The following ARHGEF3 variants were observed in gnomAD, a reference collection of about 807,000 sequenced individuals.
The protein encoded by ARHGEF3 is 59.8 kDA protein.
A neutral mutation model predicts 63.2 loss-of-function variants in ARHGEF3; 28 were observed. That is an observed-to-expected ratio of 0.44 (90% CI 0.33 to 0.61). The LOEUF (loss-of-function observed/expected upper bound fraction) is 0.61. Among genes scored for constraint, ARHGEF3 ranks in the 20% least tolerant of loss-of-function variants. The pLI, the probability that ARHGEF3 is intolerant of heterozygous loss-of-function variation, is 0.03. For missense variants in ARHGEF3, 533 were observed against 659.3 expected (o/e 0.81, Z 2.10); for synonymous variants, 266 against 254.2 (o/e 1.05, Z -0.44).
At chr3:56,763,760 G>A (rs7635288) in intron 2 of ARHGEF3, among the ~76,000 whole-genome samples, 100,096 of 151,260 alleles carry the variant, frequency 0.66, 34,227 homozygotes, top group East Asian at 0.93. Flanking sequence ...TTTTTTGTAG[G>A]GACAGGGCCT....
At chr3:56,918,173 G>A (rs1424881865) in intron 3 of ARHGEF3, among the ~76,000 whole-genome samples, 1 of 152,312 alleles carries the variant, frequency 6.6e-6, no homozygotes, top group Admixed American at 6.5e-5. Flanking sequence ...TAGCTTTGGG[G>A]ACAATTCAGC....
intron 2 of ARHGEF3, among the ~76,000 whole-genome samples, chr3:56,963,352 A>C (rs950633765): frequency 6.6e-6 from 1 of 152,188 alleles, no homozygotes; most frequent in Admixed American, 6.5e-5. Context: ...TGGAGGGCCA[A>C]TGAAATTTAC....
chr3:56,957,133 C>A (rs908989773), intron 3 of ARHGEF3, among the ~76,000 whole-genome samples: 1 of 152,196 alleles, frequency 6.6e-6, no homozygotes, highest in Non-Finnish European at 1.5e-5. Context: ...ATCCTACCCA[C>A]AAAACCATAA....
At chr3:56,754,179 A>G (rs1242727859) in intron 3 of ARHGEF3, among the ~76,000 whole-genome samples, 1 of 152,198 alleles carries the variant, frequency 6.6e-6, no homozygotes. Flanking sequence ...GGCTGTGTGG[A>G]AGAGTAGGTA....
chr3:56,899,644 T>C (rs918162629), intron 3 of ARHGEF3, among the ~76,000 whole-genome samples: 1 of 152,214 alleles, frequency 6.6e-6, no homozygotes, highest in Non-Finnish European at 1.5e-5. Flanking sequence ...TTATGAAGCC[T>C]TTTTCAGGTC....
chr3:56,786,715 G>A (rs1424943397), intron 1 of ARHGEF3, among the ~76,000 whole-genome samples: 1 of 152,212 alleles, frequency 6.6e-6, no homozygotes, highest in African/African-American at 2.4e-5. Context: ...GCAGAAGCCT[G>A]TGAATATAAA....
At chr3:56,758,839 G>C (rs181127242) in intron 2 of ARHGEF3, among the ~76,000 whole-genome samples, 1 of 152,322 alleles carries the variant, frequency 6.6e-6, no homozygotes, top group East Asian at 1.9e-4. Flanking sequence ...GCTCAACCCA[G>C]TTTGCAGTTC....
chr3:56,983,057 A>G (rs2106910818), intron 2 of ARHGEF3, among the ~76,000 whole-genome samples: 1 of 152,332 alleles, frequency 6.6e-6, no homozygotes, highest in South Asian at 2.1e-4. Flanking sequence ...TAAGCAATAA[A>G]AAAAATAATA....
intron 1 of ARHGEF3, among the ~76,000 whole-genome samples, chr3:57,052,530 C>T (rs1395921045): frequency 2.0e-5 from 3 of 152,092 alleles, no homozygotes; most frequent in African/African-American, 7.2e-5. Flanking sequence ...CTCCTGACCT[C>T]AAGTGATCTG....
intron 7 of ARHGEF3, among the ~76,000 whole-genome samples, chr3:56,744,179 T>G (rs893341728): frequency 6.6e-6 from 1 of 152,130 alleles, no homozygotes; most frequent in African/African-American, 2.4e-5. Flanking sequence ...CGACCTGTCC[T>G]GTCATTTCCT....
At chr3:56,886,917 T>C (rs1467230560) in intron 3 of ARHGEF3, among the ~76,000 whole-genome samples, 1 of 152,176 alleles carries the variant, frequency 6.6e-6, no homozygotes, top group African/African-American at 2.4e-5. Context: ...TTCCCCACCA[T>C]GCTGTCCCGT....
At chr3:56,806,342 G>A (rs2107987572), upstream of ARHGEF3, among the ~76,000 whole-genome samples, 1 of 152,344 alleles carries the variant, frequency 6.6e-6, no homozygotes, top group East Asian at 1.9e-4. Context: ...ATGCCGCCAA[G>A]CTAAGTGGCC....
chr3:56,758,024 T>A (rs2035185547), intron 2 of ARHGEF3, among the ~76,000 whole-genome samples: 1 of 148,332 alleles, frequency 6.7e-6, no homozygotes, highest in African/African-American at 2.5e-5. Context: ...ACGCCTGTAA[T>A]CCCAGCACTT....
chr3:56,733,175 T>C, intron 8 of ARHGEF3, among the ~76,000 whole-genome samples: 1 of 149,040 alleles, frequency 6.7e-6, no homozygotes. Flanking sequence ...CCCAGCTACT[T>C]GGGAGCCTGA....
chr3:56,856,763 G>T (rs1578688536), intron 4 of ARHGEF3, among the ~76,000 whole-genome samples: 1 of 135,774 alleles, frequency 7.4e-6, no homozygotes, highest in African/African-American at 2.8e-5. Context: ...CACTTCTGCT[G>T]TAATAAAACT....
chr3:56,797,530 C>T (rs185218149), intron 1 of ARHGEF3, among the ~76,000 whole-genome samples: 1 of 152,176 alleles, frequency 6.6e-6, no homozygotes. Context: ...GCAATAACTC[C>T]TTATGACTAG....
chr3:56,860,608 A>G (rs1175380543), intron 4 of ARHGEF3, among the ~76,000 whole-genome samples: 3 of 152,258 alleles, frequency 2.0e-5, no homozygotes, highest in Non-Finnish European at 4.4e-5. Context: ...TGACAAAGTC[A>G]CAAGTAACTG....
At chr3:56,789,156 A>G (rs2036962591) in intron 1 of ARHGEF3, among the ~76,000 whole-genome samples, 1 of 152,136 alleles carries the variant, frequency 6.6e-6, no homozygotes, top group South Asian at 2.1e-4. Flanking sequence ...CAATTTTCAG[A>G]TGAGGAAACT....
chr3:56,782,649 TAA>T (rs34176219), intron 1 of ARHGEF3, among the ~76,000 whole-genome samples: 32,619 of 141,360 alleles, frequency 0.23, 5,421 homozygotes, highest in African/African-American at 0.48. Context: ...ATTTCCTTCT[TAA>T]AAAAAAAAAA....
Sources: gnomAD v4.1 joint callset for allele counts (sites outside exome capture counted in the v4.1 genomes callset) on GRCh38, gnomAD v4.1.1 for gene constraint, MANE v1.5 for transcripts, NCBI Gene and HGNC (gene_info 2026-07-23, HGNC 2026-07-21) for gene names.